The following E2F7 variants were observed in gnomAD, a reference collection of about 807,000 sequenced individuals.
E2F7 encodes the protein transcription factor E2F7.
Under a neutral mutation model 81.1 loss-of-function variants are expected in E2F7, and 35 were observed. That is an observed-to-expected ratio of 0.43 (90% CI 0.33 to 0.57). E2F7 has a LOEUF of 0.57. Ranked by LOEUF, E2F7 falls within the 20% of genes least tolerant of loss-of-function variation. The pLI, the probability that E2F7 is intolerant of heterozygous loss-of-function variation, is 0.04. For missense variants in E2F7, 961 were observed against 1,093.7 expected (o/e 0.88, Z 1.71); for synonymous variants, 416 against 416.2 (o/e 1.00, Z 0.01).
chr12:77,046,339 A>G lies in E2F7; in HGVS notation c.539-11T>C. 1 of 1,606,986 alleles carries G rather than the reference A, an allele frequency of 6.2e-7. No individual in the cohort carries two copies. The highest frequency in any genetic ancestry group is 8.5e-7 in the Non-Finnish European group (1 of 1,175,656). On this transcript the variant is annotated splice_polypyrimidine_tract_variant and intron_variant, in intron 4 of 12. Coordinates refer to ENST00000322886, the MANE Select transcript of E2F7 (RefSeq NM_203394.3). ...GTCTCCTTTCCACACCTGTTTGAAA[A>G]ACAGAGGCTGATGGACATCATGCAG...
At chr12:77,032,882 T>C (rs929777124) in intron 9 of E2F7, among the ~76,000 whole-genome samples, 168 bp downstream of exon 9, 1 of 152,226 alleles carries the variant, frequency 6.6e-6, no homozygotes. Context: ...TTTGTATCCC[T>C]GATGCTACTT....
chr12:77,056,847 T>C (rs146292534), intron 2 of E2F7, among the ~76,000 whole-genome samples: 302 of 151,892 alleles, frequency 2.0e-3, no homozygotes, highest in African/African-American at 7.0e-3. Flanking sequence ...AGCTTAGATA[T>C]GGTGGCAATA....
chr12:77,063,671 T>TG (rs1481289910), intron 2 of E2F7, among the ~76,000 whole-genome samples: 6 of 151,930 alleles, frequency 3.9e-5, no homozygotes, highest in African/African-American at 1.5e-4. Flanking sequence ...AATCCCTAGA[T>TG]GGGGGAGCAT....
At position 77,029,985 on chromosome 12, in the gene E2F7, C is replaced by T; in HGVS notation, c.1730G>A (p.Ser577Asn). The T allele has an allele frequency of 6.2e-7, 1 of 1,614,264 alleles. No homozygotes were observed. Among genetic ancestry groups the T allele is most frequent in the Middle Eastern group, 1.6e-4 (1 of 6,062 alleles). ...CTCTACTGTGGCTGGGGCTTCTGAG[C>T]TTCTGTCATCCCTCTCTGACCCTGA... ...SGSGSERDDR[S>N]SEAPATVELS... The change falls in exon 10 of 13, where the codon AGC becomes AAC. Residue 577 changes from serine (S) to asparagine (N), a missense_variant. Physicochemically the swap from Ser to Asn is conservative, Grantham distance 46. Around this residue, in one of 3 missense-constraint regions of E2F7, gnomAD observed 587 missense variants for 620.3 expected, o/e 0.95. Coordinates refer to ENST00000322886, the MANE Select transcript of E2F7 (RefSeq NM_203394.3).
rs1954819517 is a variant in E2F7, at chr12:77,033,110, T to C, written c.1322A>G (p.Tyr441Cys). 2 of 1,613,782 alleles carry C rather than the reference T, an allele frequency of 1.2e-6. No individual in the cohort carries two copies. The highest frequency in any genetic ancestry group is 8.5e-7 in the Non-Finnish European group (1 of 1,179,940). Reference sequence around the variant, plus strand: ...TGCCAGGCTTCCAATTTCTAAAGAGTAGCCACCTGATCCTGAAAAGGAAGA... The same window carrying C: ...TGCCAGGCTTCCAATTTCTAAAGAGCAGCCACCTGATCCTGAAAAGGAAGA... ...PYREEQGSGG[Y>C]SLEIGSLAAV... The change falls in exon 9 of 13, where the codon TAC becomes TGC. Residue 441 changes from tyrosine to cysteine, a missense_variant. By Grantham distance (194) the Tyr-to-Cys change is radical (BLOSUM62 -2). Coordinates refer to ENST00000322886, the MANE Select transcript of E2F7 (RefSeq NM_203394.3).
At chr12:77,033,401 A>T (rs1269628539) in intron 8 of E2F7, among the ~76,000 whole-genome samples, 1 of 152,140 alleles carries the variant, frequency 6.6e-6, no homozygotes, top group Non-Finnish European at 1.5e-5. Context: ...GGTCCCAGCT[A>T]CTTGGGAGGC....
At position 77,029,932 on chromosome 12, in the gene E2F7, G is replaced by A. The variant is rs758784672; in HGVS notation, c.1783C>T (p.Arg595Cys). 2.1e-5 allele frequency: 34 copies of A among 1,614,200 alleles called. No homozygotes were observed. Among genetic ancestry groups the A allele is most frequent in the Middle Eastern group, 1.6e-4 (1 of 6,062 alleles). Residue 595 changes from arginine (R) to cysteine (C), a missense_variant, in exon 10 of 13, where the codon CGC becomes TGC. Coordinates refer to ENST00000322886, the MANE Select transcript of E2F7 (RefSeq NM_203394.3). ...TGAGGTTTCCTCTCCTCACAGAGGC[G>A]CTTCTGAGCTGAGGGTGCAGATGAC... ...ELSSAPSAQKRLCEERKPQEE... is the reference protein window; with the variant it reads ...ELSSAPSAQKCLCEERKPQEE...
intron 11 of E2F7, among the ~76,000 whole-genome samples, chr12:77,026,437 G>A (rs1171322578): frequency 6.6e-6 from 1 of 151,834 alleles, no homozygotes; most frequent in African/African-American, 2.4e-5. Context: ...AGAGTAGCTG[G>A]GACCACAAGC....
Position 77,022,300 on chromosome 12 carries a change from T to C in E2F7, c.*1715A>G, listed in dbSNP as rs1029045825. On this transcript the variant is annotated 3_prime_UTR_variant, in exon 13 of 13. Coordinates refer to ENST00000322886, the MANE Select transcript of E2F7 (RefSeq NM_203394.3). ...GCAATTGTTGATGGTTAGAACCACA[T>C]TTTTAACCTAACTCTATAGAAGACT... 1 of 152,412 alleles carries C rather than the reference T, an allele frequency of 6.6e-6. No individual in the cohort carries two copies. The highest frequency in any genetic ancestry group is 2.4e-5 in the African/African-American group (1 of 41,422). 9.4% of individuals were successfully genotyped at this position (152,412 alleles called of 1,614,324 possible). A position where few individuals can be genotyped will look rare whatever the true frequency, so the allele number is the denominator to read the frequency against.
intron 7 of E2F7, among the ~76,000 whole-genome samples, chr12:77,036,088 A>C (rs1954847814): frequency 8.5e-6 from 1 of 117,738 alleles, no homozygotes; most frequent in African/African-American, 3.2e-5. Flanking sequence ...ATCTGTAAAA[A>C]TAGGAGGGGA....
rs757372534 is a variant in E2F7 at position 77,023,895 on chromosome 12, G to A, written c.*120C>T. 3 of 1,208,130 alleles carry A rather than the reference G, an allele frequency of 2.5e-6. No homozygotes were observed. Among genetic ancestry groups the A allele is most frequent in the Admixed American group, 4.7e-5 (2 of 42,698 alleles). The allele number at this position is 1,208,130 out of a possible 1,614,324, so 74.8% of individuals were successfully genotyped here. A position where few individuals can be genotyped will look rare whatever the true frequency, so the allele number is the denominator to read the frequency against. On this transcript the variant is annotated 3_prime_UTR_variant, in exon 13 of 13. Coordinates refer to ENST00000322886, the MANE Select transcript of E2F7 (RefSeq NM_203394.3). ...GATTGATGGTGGTGGGAAGTTAACA[G>A]AAGTGTGGATGAAAGAGAGAGGAAG...
At chr12:77,058,629 G>A (rs899809817) in intron 2 of E2F7, among the ~76,000 whole-genome samples, 7 of 152,126 alleles carry the variant, frequency 4.6e-5, no homozygotes, top group Non-Finnish European at 8.8e-5. Context: ...GCAGGGGTGA[G>A]TGTGGCAAGT....
At position 77,028,095 on chromosome 12, in the gene E2F7, C is replaced by T. The variant is rs982952373; in HGVS notation, c.1928G>A (p.Gly643Asp). The change falls in exon 11 of 13, where the codon GGT (glycine) becomes GAT (aspartate). Residue 643 changes from glycine to aspartate, a missense_variant. Gly to Asp is a moderately conservative substitution (Grantham distance 94). Coordinates refer to ENST00000322886, the MANE Select transcript of E2F7 (RefSeq NM_203394.3). ...TTTGAGGGGTATAGATGCCCTGTTA[C>T]CCATAGTCTTGGGAGAGGCAAGGTC... Reference protein sequence around the residue: ...STDLASPKTMGNRASIPLKDI... With the variant: ...STDLASPKTMDNRASIPLKDI... The T allele has an allele frequency of 1.2e-6, 2 of 1,614,054 alleles. No homozygotes were observed. The highest frequency in any genetic ancestry group is 2.2e-5 in the East Asian group (1 of 44,896).
At chr12:77,029,789 C>T (rs1565895485) in intron 10 of E2F7, 42 bp downstream of exon 10, 2 of 1,605,720 alleles carry the variant, frequency 1.2e-6, no homozygotes, top group South Asian at 1.1e-5. Context: ...AAGCTCAGGG[C>T]TAACAGGATG....
chr12:77,042,489 T>A (rs879485923), intron 7 of E2F7, among the ~76,000 whole-genome samples: 1 of 152,200 alleles, frequency 6.6e-6, no homozygotes, highest in Non-Finnish European at 1.5e-5. Flanking sequence ...TGCTCATATA[T>A]TACCCATGAA....
chr12:77,033,834 A>G (rs1428893127), intron 8 of E2F7, 23 bp downstream of exon 8: 1 of 1,565,052 alleles, frequency 6.4e-7, no homozygotes, highest in Non-Finnish European at 8.6e-7. Context: ...GATGGACTCC[A>G]TAGATTATGC....
Position 77,033,961 on chromosome 12 carries a change from T to C in E2F7, c.1205A>G (p.Lys402Arg). 6.2e-7 allele frequency: 1 copy of C among 1,614,200 alleles called. No homozygotes were observed. Among genetic ancestry groups the C allele is most frequent in the Non-Finnish European group, 8.5e-7 (1 of 1,180,026 alleles). ...AGAACCATGGCGAGCCAGCTTCTGT[T>C]TTGCACAGACTTGAATCTGGCCATA... Reference protein sequence around the residue: ...ETYGQIQVCAKQKLARHGSFN... With the variant: ...ETYGQIQVCARQKLARHGSFN... Residue 402 changes from lysine (K) to arginine (R), a missense_variant, in exon 8 of 13, where the codon AAA becomes AGA. Physicochemically the swap from Lys to Arg is conservative, Grantham distance 26 (BLOSUM62 2). This residue lies in a region of E2F7 where 587 missense variants were observed against 620.3 expected (regional missense o/e 0.95). Transcript: ENST00000322886.
Position 77,035,631 on chromosome 12 carries a change from A to G in E2F7, c.1124-1589T>C, listed in dbSNP as rs188723905. Among the ~76,000 whole-genome samples the G allele has an allele frequency of 2.0e-3, 306 of 152,366 alleles. 1 individual carries two copies. The highest frequency in any genetic ancestry group is 7.2e-3 in the African/African-American group (298 of 41,586). ...TTCACCACATCCCAGAGCAAAGCTC[A>G]AGAACATTTTTAGGAATACAGAAAT... On this transcript the variant is annotated intron_variant, in intron 7 of 12. Transcript: ENST00000322886.
intron 7 of E2F7, among the ~76,000 whole-genome samples, chr12:77,039,387 T>C (rs771457587): frequency 6.6e-6 from 1 of 152,192 alleles, no homozygotes; most frequent in Admixed American, 6.5e-5. Flanking sequence ...AAGCCACAGA[T>C]GGAGAGGAAA....
Sources: allele counts gnomAD v4.1 joint callset (sites outside exome capture counted in the v4.1 genomes callset), GRCh38; gene constraint gnomAD v4.1.1; regional missense constraint gnomAD v4.1.1; transcripts MANE v1.5; gene names NCBI Gene and HGNC (gene_info 2026-07-23, HGNC 2026-07-21).